SECISBP2L: variants seen among roughly 807,000 people sequenced by gnomAD.
SECISBP2L encodes SECIS binding protein 2 like.
In SECISBP2L, 43 loss-of-function variants were observed where a neutral mutation model predicts 114.7. That is an observed-to-expected ratio of 0.38 (90% CI 0.29 to 0.48). The LOEUF is 0.48. SECISBP2L is among the 20% of genes least tolerant of loss of function. The pLI is 0.98. For synonymous variants in SECISBP2L, 451 were observed against 439.7 expected (o/e 1.03, Z -0.32); for missense variants, 1,136 against 1,301.1 (o/e 0.87, Z 1.95).
At chr15:49,021,117 T>A (rs1263599091) in intron 7 of SECISBP2L, among the ~76,000 whole-genome samples, 1 of 151,932 alleles carries the variant, frequency 6.6e-6, no homozygotes, top group African/African-American at 2.4e-5. Context: ...AGTGACCTCA[T>A]ATAAGAAACC....
At chr15:49,017,194 G>C (rs1053866724) in intron 9 of SECISBP2L, 179 bp from the exon 10 acceptor site, 2 of 635,174 alleles carry the variant, frequency 3.1e-6, no homozygotes, top group African/African-American at 3.7e-5. Flanking sequence ...ATAATAAAGG[G>C]ACAAAACAGC....
At chr15:49,020,194 G>A (rs1459898918) in intron 7 of SECISBP2L, among the ~76,000 whole-genome samples, 1 of 152,074 alleles carries the variant, frequency 6.6e-6, no homozygotes, top group African/African-American at 2.4e-5. Flanking sequence ...CCACAGGGGG[G>A]AAACTGCATA....
chr15:48,993,091 C>G (rs4774534), intron 17 of SECISBP2L, among the ~76,000 whole-genome samples, 165 bp from the exon 18 acceptor site: 17 of 140,972 alleles, frequency 1.2e-4, no homozygotes, highest in Admixed American at 7.7e-4. Flanking sequence ...TAGTTTGAGA[C>G]AGAGAGAGAG....
intron 4 of SECISBP2L, among the ~76,000 whole-genome samples, chr15:49,031,886 A>G (rs962500263): frequency 9.2e-5 from 14 of 152,198 alleles, no homozygotes; most frequent in African/African-American, 2.7e-4. Context: ...ATGGGTCACT[A>G]TGACTAGAGA....
At chr15:49,016,468 A>G (rs1902538908) in intron 11 of SECISBP2L, 92 bp downstream of exon 11, 1 of 1,098,562 alleles carries the variant, frequency 9.1e-7, no homozygotes, top group African/African-American at 1.6e-5. Flanking sequence ...ATATATACAC[A>G]TACATATATA....
At chr15:49,033,250 G>C (rs1595795220) in intron 3 of SECISBP2L, 150 bp from the exon 4 acceptor site, 2 of 910,942 alleles carry the variant, frequency 2.2e-6, no homozygotes, top group Admixed American at 2.9e-5. Flanking sequence ...ATAGTACTAG[G>C]GTTTCATGAA....
chr15:49,036,168 G>A (rs1903001739), intron 2 of SECISBP2L, among the ~76,000 whole-genome samples: 1 of 152,186 alleles, frequency 6.6e-6, no homozygotes. Flanking sequence ...ACTTGGCCAA[G>A]TCCAGCTCTT....
In SECISBP2L at chr15:49,028,174, A is replaced by G; in HGVS notation, c.895-6T>C. The G allele has an allele frequency of 2.5e-6, 4 of 1,571,658 alleles. No individual in the cohort carries two copies. The highest frequency in any genetic ancestry group is 1.2e-5 in the South Asian group (1 of 85,274). On this transcript the variant is annotated splice_region_variant and splice_polypyrimidine_tract_variant and intron_variant, in intron 5 of 17. Transcript: ENST00000559471. The stretch of plus-strand genomic sequence containing the variant: ...CACATAGATGATTCCACATGCTAAA[A>G]AAAGAAACAAAAAGACAATTATACT...
At chr15:49,037,015 A>G (rs980468608) in intron 2 of SECISBP2L, among the ~76,000 whole-genome samples, 1 of 152,224 alleles carries the variant, frequency 6.6e-6, no homozygotes, top group South Asian at 2.1e-4. Context: ...TCACTCAGAC[A>G]GTATAAGCAG....
At chr15:49,032,188 CTG>C (rs1317869693) in intron 4 of SECISBP2L, among the ~76,000 whole-genome samples, 1 of 152,154 alleles carries the variant, frequency 6.6e-6, no homozygotes, top group Admixed American at 6.5e-5. Flanking sequence ...TGAATGGAGG[CTG>C]TACAGAGATA....
Position 48,992,398 on chromosome 15 carries a change from T to C in SECISBP2L, c.3152A>G (p.Glu1051Gly). 1 of 1,614,198 alleles carries C rather than the reference T, an allele frequency of 6.2e-7. No homozygotes were observed. Among genetic ancestry groups the C allele is most frequent in the Non-Finnish European group, 8.5e-7 (1 of 1,180,044 alleles). The change falls in exon 18 of 18, where the codon GAG becomes GGG. Residue 1051 changes from glutamate to glycine, a missense_variant. Physicochemically the swap from Glu to Gly is moderately conservative, Grantham distance 98. Transcript: ENST00000559471. ...EEDNVEQSGE[E>G]EAEAPEVLEP... ...CAGCACCTCAGGCGCCTCTGCTTCC[T>C]CTTCTCCACTTTGCTCTACATTGTC...
chr15:49,035,480 T>G lies in SECISBP2L; in HGVS notation c.382A>C (p.Thr128Pro). The G allele has an allele frequency of 6.2e-7, 1 of 1,614,114 alleles. No homozygotes were observed. The highest frequency in any genetic ancestry group is 1.6e-4 in the Middle Eastern group (1 of 6,062). The stretch of plus-strand genomic sequence containing the variant: ...GCCTGAAAGGTGTTGGAGTAAGGTG[T>G]AGGAAAAGGATGATAGAAACCCATA... ...QVMGFYHPFP[T>P]PYSNTFQAAN... The change falls in exon 3 of 18, where the codon ACA becomes CCA. Residue 128 changes from threonine to proline, a missense_variant. Around this residue, in one of 2 missense-constraint regions of SECISBP2L, gnomAD observed 452 missense variants for 452.3 expected, o/e 1.00. Coordinates refer to ENST00000559471, the MANE Select transcript of SECISBP2L (RefSeq NM_001193489.2).
At chr15:49,035,256 A>G in intron 3 of SECISBP2L, 78 bp downstream of exon 3, 2 of 1,301,560 alleles carry the variant, frequency 1.5e-6, no homozygotes, top group Non-Finnish European at 2.1e-6. Context: ...ATTAATGGTC[A>G]ATCAACCCAA....
At chr15:49,016,419 CACAA>C (rs1902537435) in intron 11 of SECISBP2L, 137 bp downstream of exon 11, 2 of 683,898 alleles carry the variant, frequency 2.9e-6, no homozygotes, top group Non-Finnish European at 4.3e-6. Flanking sequence ...AATACACACA[CACAA>C]ACACACATAC....
intron 2 of SECISBP2L, 121 bp from the exon 3 acceptor site, chr15:49,035,779 G>A: frequency 2.2e-6 from 2 of 901,868 alleles, no homozygotes; most frequent in Non-Finnish European, 3.3e-6. Flanking sequence ...TGATAATTTT[G>A]GGAAAGGAGA....
chr15:49,038,729 A>T (rs1265968623), intron 1 of SECISBP2L, among the ~76,000 whole-genome samples: 1 of 152,164 alleles, frequency 6.6e-6, no homozygotes, highest in Non-Finnish European at 1.5e-5. Flanking sequence ...TTTTGAAATC[A>T]TTAAGTACAT....
intron 3 of SECISBP2L, among the ~76,000 whole-genome samples, chr15:49,034,931 G>A (rs913810714): frequency 1.3e-5 from 2 of 152,048 alleles, no homozygotes; most frequent in Non-Finnish European, 2.9e-5. Flanking sequence ...CCAAAGTGCT[G>A]GGATTATAGG....
At chr15:48,993,073 T>G in intron 17 of SECISBP2L, 147 bp from the exon 18 acceptor site, 1 of 678,914 alleles carries the variant, frequency 1.5e-6, no homozygotes, top group Non-Finnish European at 2.5e-6. Flanking sequence ...ATTTAGTTTA[T>G]TTAGTACTAG....
At chr15:49,025,544 G>A (rs982716461) in intron 7 of SECISBP2L, among the ~76,000 whole-genome samples, 9 of 152,008 alleles carry the variant, frequency 5.9e-5, no homozygotes, top group African/African-American at 2.2e-4. Context: ...GTGGTATCAT[G>A]GCACTAAAAA....
Sources: gnomAD v4.1 joint callset for allele counts (sites outside exome capture counted in the v4.1 genomes callset) on GRCh38, gnomAD v4.1.1 for gene constraint, gnomAD v4.1.1 regional missense constraint, MANE v1.5 for transcripts, NCBI Gene and HGNC (gene_info 2026-07-23, HGNC 2026-07-21) for gene names.